Variants in TP73 observed in about 807,000 individuals in gnomAD.
TP73 encodes p53-like transcription factor.
TP73 carries 25 observed loss-of-function variants against 62.5 expected under a neutral mutation model. That is an observed-to-expected ratio of 0.40 (90% CI 0.29 to 0.56). TP73 has a LOEUF of 0.56. Ranked by LOEUF, TP73 falls within the 20% of genes least tolerant of loss-of-function variation. TP73 has a pLI of 0.46. For synonymous variants in TP73, 423 were observed against 377.5 expected, an observed-to-expected ratio of 1.12 and a Z score of -1.40; for missense variants, 754 against 913.3, an observed-to-expected ratio of 0.83 and a Z score of 2.25.
At chr1:3,723,529 GGGT>G in intron 6 of TP73, 60 bp downstream of exon 6, 2 of 796,126 alleles carry the variant, frequency 2.5e-6, no homozygotes, top group Non-Finnish European at 4.3e-6. Context: ...GTCGGGGGAG[GGGT>G]CCCCTGAGGC....
intron 6 of TP73, 118 bp from the exon 7 acceptor site, chr1:3,726,997 G>A (rs1641703004): frequency 1.3e-6 from 1 of 761,372 alleles, no homozygotes; most frequent in Non-Finnish European, 2.2e-6. Flanking sequence ...CAACTATAGA[G>A]CAGGGCATCC....
In TP73 at chr1:3,690,862, G is replaced by A. The variant is rs777543581; in HGVS notation, c.186+7682G>A. The A allele has an allele frequency of 1.5e-5, 24 of 1,558,402 alleles. No individual in the cohort carries two copies. The Admixed American group carries it at 1.7e-4, about 11-fold the overall frequency. On this transcript the variant is annotated intron_variant, in intron 3 of 13. Coordinates refer to ENST00000378295, the MANE Select transcript of TP73 (RefSeq NM_005427.4). ...CGCCCAGATCCATGCCTCGTCCCAC[G>A]GGACACCAGTTCCCTGGCGTGTGCA...
intron 3 of TP73, among the ~76,000 whole-genome samples, chr1:3,690,214 G>A (rs1007792792): frequency 7.9e-5 from 12 of 152,176 alleles, no homozygotes; most frequent in Admixed American, 4.6e-4. Flanking sequence ...GCTCACTCCC[G>A]TCACCTGTCT....
intron 4 of TP73, among the ~76,000 whole-genome samples, chr1:3,717,466 G>A (rs1408061044): frequency 6.6e-6 from 1 of 152,274 alleles, no homozygotes; most frequent in Non-Finnish European, 1.5e-5. Flanking sequence ...CGTGTCAACA[G>A]CCGAAGATAA....
chr1:3,728,468 C>T (rs1641856860), intron 9 of TP73, among the ~76,000 whole-genome samples: 1 of 152,238 alleles, frequency 6.6e-6, no homozygotes, highest in African/African-American at 2.4e-5. Context: ...ACAATGAAGC[C>T]ATGTGTACAT....
At chr1:3,657,245 AG>A (rs1254697048) in intron 1 of TP73, among the ~76,000 whole-genome samples, 8 of 152,140 alleles carry the variant, frequency 5.3e-5, no homozygotes, top group African/African-American at 1.7e-4. Context: ...AGGCTCTGAG[AG>A]GGGGCTCGCC....
intron 3 of TP73, chr1:3,690,936 C>T (rs1485474918): frequency 6.3e-7 from 1 of 1,579,670 alleles, no homozygotes; most frequent in African/African-American, 1.3e-5. Context: ...CGCACGGCAC[C>T]TCGCCACGGT....
At position 3,682,435 on chromosome 1, in the gene TP73, G is replaced by C; in HGVS notation, c.65+5G>C. On this transcript the variant is annotated splice_donor_5th_base_variant and intron_variant, in intron 2 of 13. Transcript: ENST00000378295. The stretch of plus-strand genomic sequence containing the variant: ...TGAGCACCTCTGGAGCTCTCTGTGA[G>C]TGCGCTTGGCTGGCCAGAGCTGGGG... 1 of 1,522,098 alleles carries C rather than the reference G, an allele frequency of 6.6e-7. No homozygotes were observed. The highest frequency in any genetic ancestry group is 8.9e-7 in the Non-Finnish European group (1 of 1,124,262). The allele number at this position is 1,522,098 out of a possible 1,614,324, so 94.3% of individuals were successfully genotyped here. A position where few individuals can be genotyped will look rare whatever the true frequency, so the allele number is the denominator to read the frequency against.
chr1:3,690,656 C>G (rs1161194849), intron 3 of TP73: 1 of 1,397,516 alleles, frequency 7.2e-7, no homozygotes, highest in Non-Finnish European at 9.3e-7. Context: ...AGGGGTGGGC[C>G]GCGGGTTTTG....
intron 4 of TP73, among the ~76,000 whole-genome samples, chr1:3,711,418 C>T (rs1245287659): frequency 1.3e-5 from 2 of 152,246 alleles, no homozygotes; most frequent in Non-Finnish European, 2.9e-5. Flanking sequence ...ACAGCTGGTT[C>T]CAGGAGGCCC....
rs149925570 is a variant in TP73 at position 3,695,773 on chromosome 1, G to A, written c.187-11776G>A. Among the ~76,000 whole-genome samples, 20 of 152,368 alleles carry A rather than the reference G, an allele frequency of 1.3e-4. No individual in the cohort carries two copies. The East Asian group carries it at 2.9e-3, about 22-fold the overall frequency. ...TGGCAGACGTTCTGGGAGGGCCCCCGGCTGCAGTGCTGGGGATAGACCACA... is the reference window on the plus strand; with the variant it reads ...TGGCAGACGTTCTGGGAGGGCCCCCAGCTGCAGTGCTGGGGATAGACCACA... On this transcript the variant is annotated intron_variant, in intron 3 of 13. Transcript: ENST00000378295.
Position 3,732,832 on chromosome 1 carries a change from G to C in TP73, c.1664G>C (p.Ser555Thr), listed in dbSNP as rs567801920. 2 of 1,611,792 alleles carry C rather than the reference G, an allele frequency of 1.2e-6. No homozygotes were observed. The highest frequency in any genetic ancestry group is 2.2e-5 in the South Asian group (2 of 91,018). The change falls in exon 14 of 14, where the codon AGC (serine) becomes ACC (threonine). Residue 555 changes from serine (S) to threonine (T), a missense_variant. By Grantham distance (58) the Ser-to-Thr change is moderately conservative. This residue lies in a region of TP73 where 458 missense variants were observed against 528.7 expected (regional missense o/e 0.87). Transcript: ENST00000378295. ...GACCTGAAGCAGGGCCACGACTACA[G>C]CACCGCGCAGCAGCTGCTCCGCTCT... Reference protein sequence around the residue: ...LQDLKQGHDYSTAQQLLRSSN... With the variant: ...LQDLKQGHDYTTAQQLLRSSN...
rs370753117 is a variant in TP73 at position 3,711,080 on chromosome 1, G to C, written c.429+3289G>C. 2.3e-4 allele frequency among the ~76,000 whole-genome samples: 35 copies of C among 152,372 alleles called. No individual in the cohort carries two copies. In the South Asian group the frequency reaches 6.4e-3, roughly 28 times the overall value. On this transcript the variant is annotated intron_variant, in intron 4 of 13. Transcript: ENST00000378295. Reference sequence around the variant, plus strand: ...CTGCTGGGGTCCCAATCCCAGAGCTGCCCGTGAGCACCTTCTGCTTCGCCC... The same window carrying C: ...CTGCTGGGGTCCCAATCCCAGAGCTCCCCGTGAGCACCTTCTGCTTCGCCC...
At chr1:3,707,018 G>C (rs1223502127) in intron 3 of TP73, among the ~76,000 whole-genome samples, 1 of 152,064 alleles carries the variant, frequency 6.6e-6, no homozygotes, top group African/African-American at 2.4e-5. Flanking sequence ...CCACCACCTA[G>C]AGGGCCAGAC....
intron 3 of TP73, chr1:3,690,564 G>A (rs903602990): frequency 5.6e-5 from 62 of 1,108,696 alleles, no homozygotes; most frequent in Non-Finnish European, 5.8e-5. Context: ...CCCTCCCCAC[G>A]CAGCCTCCTT....
At chr1:3,661,815 A>ATT (rs1444300808) in intron 1 of TP73, among the ~76,000 whole-genome samples, 1 of 147,814 alleles carries the variant, frequency 6.8e-6, no homozygotes, top group Non-Finnish European at 1.5e-5. Flanking sequence ...TAATATATGT[A>ATT]TTATATATAT....
At chr1:3,728,697 G>A (rs1477929225) in intron 9 of TP73, among the ~76,000 whole-genome samples, 1 of 152,262 alleles carries the variant, frequency 6.6e-6, no homozygotes, top group African/African-American at 2.4e-5. Flanking sequence ...AGCCCCAGTT[G>A]GGGTCAGTGG....
intron 1 of TP73, among the ~76,000 whole-genome samples, chr1:3,676,172 G>A (rs1049831413): frequency 1.3e-5 from 2 of 150,632 alleles, no homozygotes; most frequent in African/African-American, 4.9e-5. Flanking sequence ...GGACAGGGAG[G>A]GGACACAGAA....
intron 3 of TP73, among the ~76,000 whole-genome samples, chr1:3,694,796 C>T (rs1199170117): frequency 7.2e-6 from 1 of 138,156 alleles, no homozygotes; most frequent in South Asian, 2.4e-4. Flanking sequence ...GCCATGCAGC[C>T]TCAGACCCTT....
Sources: gnomAD v4.1 joint callset for allele counts (sites outside exome capture counted in the v4.1 genomes callset) on GRCh38, gnomAD v4.1.1 for gene constraint, gnomAD v4.1.1 regional missense constraint, MANE v1.5 for transcripts, NCBI Gene and HGNC (gene_info 2026-07-23, HGNC 2026-07-21) for gene names.